The following ZFAND6 variants were observed in gnomAD, a reference collection of about 807,000 sequenced individuals.
The protein encoded by ZFAND6 is zinc finger AN1-type containing 6.
ZFAND6 carries 12 observed loss-of-function variants against 24.5 expected under a neutral mutation model. That is an observed-to-expected ratio of 0.49 (90% CI 0.31 to 0.79). The LOEUF is 0.79. Ranked by LOEUF, ZFAND6 falls within the 30% of genes least tolerant of loss-of-function variation. ZFAND6 has a pLI of 0.04. For missense variants in ZFAND6, 207 were observed against 245.9 expected, an observed-to-expected ratio of 0.84 and a Z score of 1.06; for synonymous variants, 92 against 81.5, an observed-to-expected ratio of 1.13 and a Z score of -0.69.
At chr15:80,110,799 T>C (rs924071802) in intron 2 of ZFAND6, among the ~76,000 whole-genome samples, 1 of 152,146 alleles carries the variant, frequency 6.6e-6, no homozygotes, top group Non-Finnish European at 1.5e-5. Flanking sequence ...AAAGCATTAA[T>C]CTTAACTCTT....
At chr15:80,118,570 G>A (rs2040004936) in intron 2 of ZFAND6, among the ~76,000 whole-genome samples, 1 of 152,014 alleles carries the variant, frequency 6.6e-6, no homozygotes, top group Non-Finnish European at 1.5e-5. Flanking sequence ...GTGTATGTAT[G>A]TATATATACA....
chr15:80,063,522 G>A (rs2036445882), intron 1 of ZFAND6, among the ~76,000 whole-genome samples: 1 of 151,286 alleles, frequency 6.6e-6, no homozygotes, highest in African/African-American at 2.4e-5. Flanking sequence ...CTCCCGAGTA[G>A]CTGAGACTAC....
At chr15:80,093,342 T>C (rs555699887) in intron 1 of ZFAND6, among the ~76,000 whole-genome samples, 17 of 152,288 alleles carry the variant, frequency 1.1e-4, no homozygotes, top group African/African-American at 3.9e-4. Context: ...TTTTGTAATA[T>C]AAATGTAATA....
chr15:80,116,791 A>C (rs954187996), intron 2 of ZFAND6, among the ~76,000 whole-genome samples: 136 of 152,166 alleles, frequency 8.9e-4, no homozygotes, highest in African/African-American at 3.1e-3. Flanking sequence ...ATTTTAGTTC[A>C]TCCACTGTCG....
intron 1 of ZFAND6, among the ~76,000 whole-genome samples, chr15:80,092,358 G>A (rs377624395): frequency 6.6e-6 from 1 of 151,200 alleles, no homozygotes; most frequent in South Asian, 2.1e-4. Flanking sequence ...ATTGCTTGAG[G>A]ACGGGAGGCG....
At chr15:80,085,223 T>G (rs1263348297) in intron 1 of ZFAND6, among the ~76,000 whole-genome samples, 3 of 152,236 alleles carry the variant, frequency 2.0e-5, no homozygotes. Flanking sequence ...TCCATCGTTC[T>G]TTCACGTTCA....
At chr15:80,127,589 CAAAAAAAAAAAAA>C (rs55872915) in intron 5 of ZFAND6, among the ~76,000 whole-genome samples, 7 of 120,064 alleles carry the variant, frequency 5.8e-5, no homozygotes, top group African/African-American at 1.1e-4. Flanking sequence ...AACTCCATCT[CAAAAAAAAAAAAA>C]AAAAAAAAAA....
intron 5 of ZFAND6, chr15:80,130,518 G>A (rs1248307684): frequency 6.6e-6 from 1 of 152,134 alleles, no homozygotes; most frequent in Non-Finnish European, 1.5e-5. Flanking sequence ...ATTCATGAGG[G>A]CTAGAGTAGT....
In ZFAND6 at chr15:80,132,363, C is replaced by T. The variant is rs78197414; in HGVS notation, c.478+1070C>T. On this transcript the variant is annotated intron_variant, in intron 6 of 6. Coordinates refer to ENST00000261749, the MANE Select transcript of ZFAND6 (RefSeq NM_019006.4). ...TTACTACCACAGAATATGCACAAAT[C>T]TATTATAAAAAATTAAAATTTTATC... Among the ~76,000 whole-genome samples, 346 of 152,104 alleles carry T rather than the reference C, an allele frequency of 2.3e-3. 1 individual carries two copies. Among genetic ancestry groups the T allele is most frequent in the African/African-American group, 7.8e-3 (324 of 41,492 alleles).
At chr15:80,072,992 T>A (rs922262670) in intron 1 of ZFAND6, among the ~76,000 whole-genome samples, 2 of 152,028 alleles carry the variant, frequency 1.3e-5, no homozygotes, top group Non-Finnish European at 2.9e-5. Flanking sequence ...TCATTTGATA[T>A]GTCATTTTCC....
chr15:80,120,816 T>A, intron 3 of ZFAND6: 1 of 159,486 alleles, frequency 6.3e-6, no homozygotes. Context: ...TTTGTTCTTT[T>A]ATCTGGTGTG....
chr15:80,127,535 A>C (rs894449445), intron 5 of ZFAND6, among the ~76,000 whole-genome samples: 2 of 146,370 alleles, frequency 1.4e-5, no homozygotes, highest in African/African-American at 5.2e-5. Context: ...GGTTGCAGTG[A>C]GCTGAGATTG....
At chr15:80,068,593 A>C (rs1463080064) in intron 1 of ZFAND6, among the ~76,000 whole-genome samples, 2 of 152,324 alleles carry the variant, frequency 1.3e-5, no homozygotes, top group East Asian at 1.9e-4. Context: ...GCTGGTCTCG[A>C]ACACCTGACC....
intron 1 of ZFAND6, among the ~76,000 whole-genome samples, chr15:80,062,903 G>T (rs2036409953): frequency 6.6e-6 from 1 of 151,994 alleles, no homozygotes; most frequent in Non-Finnish European, 1.5e-5. Context: ...TCTCAGCCTG[G>T]CTCTTTCTTA....
intron 6 of ZFAND6, among the ~76,000 whole-genome samples, chr15:80,134,490 C>G (rs550243007): frequency 9.9e-5 from 15 of 151,468 alleles, no homozygotes; most frequent in Non-Finnish European, 2.2e-4. Flanking sequence ...GAAGAGAACC[C>G]CAATAGAGGG....
At chr15:80,059,253 T>C (rs1348097860), upstream of ZFAND6, among the ~76,000 whole-genome samples, 1 of 152,148 alleles carries the variant, frequency 6.6e-6, no homozygotes, top group Non-Finnish European at 1.5e-5. Flanking sequence ...CTCTTTTTGG[T>C]GCCTCAGTCC....
chr15:80,065,537 A>ATTT lies in ZFAND6; in HGVS notation c.-181+5751_-181+5753dup, dbSNP rs149756891. ...GGGCTTCAAATTAGTTTTGGTTTTGATTTTTTTTTTTTTTTTTTTTTTTTT... is the reference window on the plus strand; with the variant it reads ...GGGCTTCAAATTAGTTTTGGTTTTGATTTTTTTTTTTTTTTTTTTTTTTTTTTT... On this transcript the variant is annotated intron_variant, in intron 1 of 6. Transcript: ENST00000261749. 1.4e-3 allele frequency among the ~76,000 whole-genome samples: 107 copies of ATTT among 76,484 alleles called. 4 individuals are homozygous for ATTT. The highest frequency in any genetic ancestry group is 4.9e-3 in the African/African-American group (93 of 18,946). The allele number at this position is 76,484 out of a possible 152,430, so 50.2% of individuals were successfully genotyped here. A position where few individuals can be genotyped will look rare whatever the true frequency, so the allele number is the denominator to read the frequency against.
intron 2 of ZFAND6, among the ~76,000 whole-genome samples, chr15:80,117,781 G>T (rs1467734629): frequency 2.6e-5 from 4 of 152,116 alleles, no homozygotes; most frequent in African/African-American, 9.7e-5. Flanking sequence ...ATGAAGAGTT[G>T]ACTACTAGTA....
chr15:80,070,503 T>C (rs1199262309), intron 1 of ZFAND6, among the ~76,000 whole-genome samples: 2 of 152,232 alleles, frequency 1.3e-5, no homozygotes, highest in Non-Finnish European at 2.9e-5. Flanking sequence ...AGAAATGAAA[T>C]AAGCTAACTC....
Sources: allele counts gnomAD v4.1 joint callset (sites outside exome capture counted in the v4.1 genomes callset), GRCh38; gene constraint gnomAD v4.1.1; transcripts MANE v1.5; gene names NCBI Gene and HGNC (gene_info 2026-07-23, HGNC 2026-07-21).